KRTAP25-1: variants seen among roughly 807,000 people sequenced by gnomAD.
The protein encoded by KRTAP25-1 is keratin-associated protein 25-1.
For missense variants in KRTAP25-1, 136 were observed against 120.1 expected (o/e 1.13, Z -0.62); for synonymous variants, 47 against 41.3 (o/e 1.14, Z -0.52).
chr21:30,289,338 A>T, the KRTAP25-1 span: 1 of 1,551,686 alleles, frequency 6.4e-7, no homozygotes, highest in Non-Finnish European at 8.7e-7. Flanking sequence ...TTTGATTACC[A>T]TAGGAGAAAT....
In KRTAP25-1 at chr21:30,289,359, A is replaced by G; in HGVS notation, c.132T>C (p.Tyr44=). The G allele has an allele frequency of 3.2e-6, 5 of 1,551,790 alleles. No homozygotes were observed. The highest frequency in any genetic ancestry group is 1.2e-5 in the South Asian group (1 of 84,054). ...TACCATAGGAGAAATAGCTCAAGGG[A>G]TAGCAGGTCCTGGACACAAAATTCA... ...QSLNFVSRTC[Y]PLSYFSYGNQ... The change falls in exon 1 of 1, where the codon TAT becomes TAC. Residue 44 remains tyrosine (Y), a synonymous_variant. Coordinates refer to ENST00000416044, the MANE Select transcript of KRTAP25-1 (RefSeq NM_001128598.1).
Position 30,289,500 on chromosome 21 carries a change from G to T in KRTAP25-1, c.-10C>A. 1.3e-6 allele frequency: 2 copies of T among 1,525,628 alleles called. No homozygotes were observed. The highest frequency in any genetic ancestry group is 1.8e-6 in the Non-Finnish European group (2 of 1,137,952). 94.5% of individuals were successfully genotyped at this position (1,525,628 alleles called of 1,614,324 possible). ...GAGATCTGTTATGCATTGAGGATTG[G>T]CAGGAACTTGAGAAATAAGGATTGA... On this transcript the variant is annotated 5_prime_UTR_variant, in exon 1 of 1. Coordinates refer to ENST00000416044, the MANE Select transcript of KRTAP25-1 (RefSeq NM_001128598.1).
rs1479118426 is a variant in KRTAP25-1 at position 30,289,298 on chromosome 21, A to G, written c.193T>C (p.Ser65Pro). 1.3e-6 allele frequency: 2 copies of G among 1,551,578 alleles called. No homozygotes were observed. Among genetic ancestry groups the G allele is most frequent in the Non-Finnish European group, 1.7e-6 (2 of 1,146,822 alleles). ...TIGSISNSFRSLNYVSHSFQP... is the reference protein window; with the variant it reads ...TIGSISNSFRPLNYVSHSFQP... ...AAACTATGAGACACATAATTCAGGG[A>G]TCTGAAGCTGTTGGATATAGAACCT... Residue 65 changes from serine to proline, a missense_variant, in exon 1 of 1, where the codon TCC becomes CCC. By Grantham distance (74) the Ser-to-Pro change is moderately conservative (BLOSUM62 -1). Coordinates refer to ENST00000416044, the MANE Select transcript of KRTAP25-1 (RefSeq NM_001128598.1).
Position 30,289,146 on chromosome 21 carries a change from T to C in KRTAP25-1, c.*36A>G. ...CTTCAACCTAAAGATAAAATTTCTG[T>C]AAAACGCTGTCAGGGCAAGACACTG... On this transcript the variant is annotated 3_prime_UTR_variant, in exon 1 of 1. Transcript: ENST00000416044. 1 of 1,486,110 alleles carries C rather than the reference T, an allele frequency of 6.7e-7. No individual in the cohort carries two copies. The highest frequency in any genetic ancestry group is 9.0e-7 in the Non-Finnish European group (1 of 1,112,682). 92.1% of individuals were successfully genotyped at this position (1,486,110 alleles called of 1,614,324 possible).
Position 30,289,479 on chromosome 21 carries a change from T to A in KRTAP25-1, c.12A>T (p.Arg4Ser). 6.5e-7 allele frequency: 1 copy of A among 1,548,720 alleles called. No homozygotes were observed. Among genetic ancestry groups the A allele is most frequent in the Non-Finnish European group, 8.7e-7 (1 of 1,146,138 alleles). The change falls in exon 1 of 1, where the codon AGA (arginine) becomes AGT (serine). Residue 4 changes from arginine to serine, a missense_variant. Transcript: ENST00000416044. Reference sequence around the variant, plus strand: ...AACTACTGAAAAAAAAGCCTTGAGATCTGTTATGCATTGAGGATTGGCAGG... The same window carrying A: ...AACTACTGAAAAAAAAGCCTTGAGAACTGTTATGCATTGAGGATTGGCAGG... MHN[R>S]SQGFFFSSCH...
rs1330458498 is a variant in KRTAP25-1, at chr21:30,289,247, T to G, written c.244A>C (p.Ser82Arg). ...AAATCAGAACAAGCTGGTTGGAAAC[T>G]GCTGTGCATGAAGGAAATAGGTTGG... ...SFQPISFMHS[S>R]FQPACSDFVG... Residue 82 changes from serine (S) to arginine (R), a missense_variant, in exon 1 of 1, where the codon AGT becomes CGT. Coordinates refer to ENST00000416044, the MANE Select transcript of KRTAP25-1 (RefSeq NM_001128598.1). 3 of 1,551,428 alleles carry G rather than the reference T, an allele frequency of 1.9e-6. No individual in the cohort carries two copies. Among genetic ancestry groups the G allele is most frequent in the Non-Finnish European group, 2.6e-6 (3 of 1,146,784 alleles).
Position 30,289,303 on chromosome 21 carries a change from A to T in KRTAP25-1, c.188T>A (p.Phe63Tyr). ...NQTIGSISNS[F>Y]RSLNYVSHSF... ...ATGAGACACATAATTCAGGGATCTG[A>T]AGCTGTTGGATATAGAACCTATAGT... Residue 63 changes from phenylalanine (F) to tyrosine (Y), a missense_variant, in exon 1 of 1, where the codon TTC becomes TAC. Transcript: ENST00000416044. 6.4e-7 allele frequency: 1 copy of T among 1,551,740 alleles called. No individual in the cohort carries two copies. Among genetic ancestry groups the T allele is most frequent in the African/African-American group, 1.4e-5 (1 of 73,162 alleles).
At position 30,289,510 on chromosome 21, in the gene KRTAP25-1, G is replaced by A. The variant is rs1379418400; in HGVS notation, c.-20C>T. ...ATGCATTGAGGATTGGCAGGAACTT[G>A]AGAAATAAGGATTGATATAAAAACA... On this transcript the variant is annotated 5_prime_UTR_variant, in exon 1 of 1. Coordinates refer to ENST00000416044, the MANE Select transcript of KRTAP25-1 (RefSeq NM_001128598.1). The A allele has an allele frequency of 1.6e-5, 25 of 1,516,044 alleles. No individual in the cohort carries two copies. Among genetic ancestry groups the A allele is most frequent in the Non-Finnish European group, 2.2e-5 (25 of 1,132,382 alleles). 93.9% of individuals were successfully genotyped at this position (1,516,044 alleles called of 1,614,324 possible).
At position 30,289,410 on chromosome 21, in the gene KRTAP25-1, G is replaced by T. The variant is rs1601067567; in HGVS notation, c.81C>A (p.Ser27Arg). ...GTGATTGACAGCGACAAAAAATAAA[G>T]CTCGGTGATTGACAGCCATAAGAGA... is the stretch of plus-strand genomic sequence containing the variant. Reference protein sequence around the residue: ...NHVSYGCQSPSFIFCRCQSLN... With the variant: ...NHVSYGCQSPRFIFCRCQSLN... The change falls in exon 1 of 1, where the codon AGC becomes AGA. Residue 27 changes from serine to arginine, a missense_variant. By Grantham distance (110) the Ser-to-Arg change is moderately radical. Transcript: ENST00000416044. 1.3e-6 allele frequency: 2 copies of T among 1,551,476 alleles called. No homozygotes were observed. Among genetic ancestry groups the T allele is most frequent in the Non-Finnish European group, 1.7e-6 (2 of 1,146,800 alleles).
At position 30,289,487 on chromosome 21, in the gene KRTAP25-1, G is replaced by C. The variant is rs1162719839; in HGVS notation, c.4C>G (p.His2Asp). 2.6e-6 allele frequency: 4 copies of C among 1,537,884 alleles called. No individual in the cohort carries two copies. The South Asian group carries it at 3.7e-5, about 14-fold the overall frequency. Residue 2 changes from histidine to aspartate, a missense_variant, in exon 1 of 1, where the codon CAT (histidine) becomes GAT (aspartate). His to Asp is a moderately conservative substitution (Grantham distance 81). Transcript: ENST00000416044. M[H>D]NRSQGFFFSS... The stretch of plus-strand genomic sequence containing the variant: ...AAAAAAAAGCCTTGAGATCTGTTAT[G>C]CATTGAGGATTGGCAGGAACTTGAG...
chr21:30,289,450 T>C lies in KRTAP25-1; in HGVS notation c.41A>G (p.His14Arg). 1 of 1,549,710 alleles carries C rather than the reference T, an allele frequency of 6.5e-7. No individual in the cohort carries two copies. The highest frequency in any genetic ancestry group is 1.2e-5 in the South Asian group (1 of 83,810). Residue 14 changes from histidine to arginine, a missense_variant, in exon 1 of 1, where the codon CAC (histidine) becomes CGC (arginine). His to Arg is a conservative substitution (Grantham distance 29, BLOSUM62 0). Coordinates refer to ENST00000416044, the MANE Select transcript of KRTAP25-1 (RefSeq NM_001128598.1). ...GCCATAAGAGACATGGTTTTGGGGG[T>C]GGCAACTACTGAAAAAAAAGCCTTG... ...RSQGFFFSSC[H>R]PQNHVSYGCQ... is the part of the protein sequence containing the mutation.
chr21:30,289,438 T>C lies in KRTAP25-1; in HGVS notation c.53A>G (p.His18Arg), dbSNP rs774103119. 5.4e-5 allele frequency: 83 copies of C among 1,551,046 alleles called. No homozygotes were observed. The highest frequency in any genetic ancestry group is 7.0e-5 in the Non-Finnish European group (80 of 1,146,768). ...CGGTGATTGACAGCCATAAGAGACA[T>C]GGTTTTGGGGGTGGCAACTACTGAA... ...FFFSSCHPQNHVSYGCQSPSF... is the reference protein window; with the variant it reads ...FFFSSCHPQNRVSYGCQSPSF... Residue 18 changes from histidine to arginine, a missense_variant, in exon 1 of 1, where the codon CAT becomes CGT. Physicochemically the swap from His to Arg is conservative, Grantham distance 29. Transcript: ENST00000416044.
rs1334029293 is a variant in KRTAP25-1 at position 30,289,432 on chromosome 21, G to A, written c.59C>T (p.Ser20Phe). ...FSSCHPQNHV[S>F]YGCQSPSFIF... ...AAAGCTCGGTGATTGACAGCCATAAGAGACATGGTTTTGGGGGTGGCAACT... is the reference window on the plus strand; with the variant it reads ...AAAGCTCGGTGATTGACAGCCATAAAAGACATGGTTTTGGGGGTGGCAACT... Residue 20 changes from serine (S) to phenylalanine (F), a missense_variant, in exon 1 of 1, where the codon TCT becomes TTT. Transcript: ENST00000416044. 1.9e-6 allele frequency: 3 copies of A among 1,551,384 alleles called. No individual in the cohort carries two copies. The highest frequency in any genetic ancestry group is 1.2e-5 in the South Asian group (1 of 84,050).
the KRTAP25-1 span, chr21:30,289,264 AT>A: frequency 6.4e-7 from 1 of 1,551,626 alleles, no homozygotes; most frequent in Non-Finnish European, 8.7e-7. Context: ...CATGAAGGAA[AT>A]AGGTTGGAAA....
Position 30,289,444 on chromosome 21 carries a change from T to G in KRTAP25-1, c.47A>C (p.Gln16Pro), listed in dbSNP as rs1244271210. The change falls in exon 1 of 1, where the codon CAA (glutamine) becomes CCA (proline). Residue 16 changes from glutamine to proline, a missense_variant. Coordinates refer to ENST00000416044, the MANE Select transcript of KRTAP25-1 (RefSeq NM_001128598.1). The part of the protein sequence containing the change: ...QGFFFSSCHP[Q>P]NHVSYGCQSP... ...TTGACAGCCATAAGAGACATGGTTT[T>G]GGGGGTGGCAACTACTGAAAAAAAA... 6.4e-7 allele frequency: 1 copy of G among 1,551,024 alleles called. No individual in the cohort carries two copies. The highest frequency in any genetic ancestry group is 2.0e-5 in the Admixed American group (1 of 50,856).
At position 30,289,223 on chromosome 21, in the gene KRTAP25-1, A is replaced by C. The variant is rs1335763518; in HGVS notation, c.268T>G (p.Phe90Val). ...AGAAATGGAGATTGCCAACCCACAA[A>C]ATCAGAACAAGCTGGTTGGAAACTG... is the stretch of plus-strand genomic sequence containing the variant. ...HSSFQPACSDFVGWQSPFLRR... is the reference protein window; with the variant it reads ...HSSFQPACSDVVGWQSPFLRR... Residue 90 changes from phenylalanine (F) to valine (V), a missense_variant, in exon 1 of 1, where the codon TTT becomes GTT. Coordinates refer to ENST00000416044, the MANE Select transcript of KRTAP25-1 (RefSeq NM_001128598.1). The C allele has an allele frequency of 1.0e-5, 16 of 1,550,614 alleles. No individual in the cohort carries two copies. Among genetic ancestry groups the C allele is most frequent in the Non-Finnish European group, 8.7e-7 (1 of 1,146,340 alleles).
In KRTAP25-1 at chr21:30,289,297, G is replaced by A. The variant is rs1181392432; in HGVS notation, c.194C>T (p.Ser65Phe). 1.3e-6 allele frequency: 2 copies of A among 1,551,342 alleles called. No individual in the cohort carries two copies. Among genetic ancestry groups the A allele is most frequent in the East Asian group, 2.4e-5 (1 of 40,920 alleles). ...GAAACTATGAGACACATAATTCAGG[G>A]ATCTGAAGCTGTTGGATATAGAACC... The part of the protein sequence containing the change: ...TIGSISNSFR[S>F]LNYVSHSFQP... The change falls in exon 1 of 1, where the codon TCC (serine) becomes TTC (phenylalanine). Residue 65 changes from serine (S) to phenylalanine (F), a missense_variant. Transcript: ENST00000416044.
rs761397867 is a variant in KRTAP25-1, at chr21:30,289,164, A to C, written c.*18T>G. ...ATTTCTGTAAAACGCTGTCAGGGCA[A>C]GACACTGAAAAGACAATTCAGCATG... On this transcript the variant is annotated 3_prime_UTR_variant, in exon 1 of 1. Transcript: ENST00000416044. 6.5e-7 allele frequency: 1 copy of C among 1,530,460 alleles called. No individual in the cohort carries two copies. The highest frequency in any genetic ancestry group is 1.2e-5 in the South Asian group (1 of 81,044). The allele number at this position is 1,530,460 out of a possible 1,614,324, so 94.8% of individuals were successfully genotyped here. A position where few individuals can be genotyped will look rare whatever the true frequency, so the allele number is the denominator to read the frequency against.
Position 30,289,456 on chromosome 21 carries a change from C to A in KRTAP25-1, c.35G>T (p.Ser12Ile). 6.5e-7 allele frequency: 1 copy of A among 1,546,426 alleles called. No homozygotes were observed. ...HNRSQGFFFS[S>I]CHPQNHVSYG... Reference sequence around the variant, plus strand: ...AGAGACATGGTTTTGGGGGTGGCAACTACTGAAAAAAAAGCCTTGAGATCT... The same window carrying A: ...AGAGACATGGTTTTGGGGGTGGCAAATACTGAAAAAAAAGCCTTGAGATCT... Residue 12 changes from serine (S) to isoleucine (I), a missense_variant, in exon 1 of 1, where the codon AGT becomes ATT. Ser to Ile is a moderately radical substitution (Grantham distance 142). Coordinates refer to ENST00000416044, the MANE Select transcript of KRTAP25-1 (RefSeq NM_001128598.1).
Sources: allele counts gnomAD v4.1 joint callset, GRCh38; gene constraint gnomAD v4.1.1; transcripts MANE v1.5; gene names NCBI Gene and HGNC (gene_info 2026-07-23, HGNC 2026-07-21).